Variants in PER3 observed in about 807,000 individuals in gnomAD.
PER3 encodes the protein period circadian regulator 3, also known as period circadian protein homolog 3.
Under a neutral mutation model 127.2 loss-of-function variants are expected in PER3, and 107 were observed. That is an observed-to-expected ratio of 0.84 (90% CI 0.72 to 0.99). The LOEUF (loss-of-function observed/expected upper bound fraction) is 0.99, where lower values mean the gene tolerates loss of function less well. Among genes scored for constraint, PER3 ranks in the 50% least tolerant of loss-of-function variants. The pLI is 0.00. For missense variants in PER3, 1,560 were observed against 1,525.8 expected (o/e 1.02, Z -0.37); for synonymous variants, 618 against 585.8 (o/e 1.05, Z -0.79).
chr1:7,828,624 G>A (rs1342381300), intron 18 of PER3, among the ~76,000 whole-genome samples: 1 of 152,176 alleles, frequency 6.6e-6, no homozygotes, highest in Admixed American at 6.5e-5. Flanking sequence ...CTAAGGGAAG[G>A]CAGTATATTA....
intron 21 of PER3, among the ~76,000 whole-genome samples, chr1:7,842,298 C>G (rs2097394278): frequency 1.3e-5 from 2 of 151,590 alleles, no homozygotes; most frequent in African/African-American, 4.9e-5. Context: ...GTCAGGGGTT[C>G]AAGACCAGCC....
chr1:7,801,171 T>G lies in PER3; in HGVS notation c.852T>G (p.Val284=), dbSNP rs1036663781. ...IFTTTHTPGC[V]FLEVDEKAVP... is the part of the protein sequence containing the mutation. The stretch of plus-strand genomic sequence containing the variant: ...CCACCACACACACCCCAGGGTGTGT[T>G]TTTCTTGAAGTAGATGAAAAGTAAG... The change falls in exon 8 of 22, where the codon GTT becomes GTG. Residue 284 remains valine (V), a synonymous_variant. Transcript: ENST00000377532. 5 of 1,594,712 alleles carry G rather than the reference T, an allele frequency of 3.1e-6. No homozygotes were observed. The highest frequency in any genetic ancestry group is 1.3e-5 in the African/African-American group (1 of 74,308).
chr1:7,839,851 T>C (rs1044274616), intron 21 of PER3, among the ~76,000 whole-genome samples: 21 of 150,700 alleles, frequency 1.4e-4, no homozygotes, highest in Non-Finnish European at 2.8e-4. Flanking sequence ...ATAGTGTGGA[T>C]CTCCGAGTTC....
intron 10 of PER3, among the ~76,000 whole-genome samples, chr1:7,808,260 C>A (rs1397554324): frequency 7.0e-4 from 66 of 93,988 alleles, no homozygotes; most frequent in East Asian, 1.3e-3. Context: ...AAAAAAAAAA[C>A]TAGTATAGTA....
At position 7,786,779 on chromosome 1, in the gene PER3, C is replaced by T. The variant is rs772845669; in HGVS notation, c.333C>T (p.Ser111=). ...SQNGAPQADV[S]MYSLEELATI... ...ATGGAGCACCTCAGGCAGATGTGAG[C>T]ATGTACAGTCTTGAGGAGCTGGCCA... The change falls in exon 4 of 22, where the codon AGC becomes AGT. Residue 111 remains serine, a synonymous_variant. Transcript: ENST00000377532. 3.8e-5 allele frequency: 62 copies of T among 1,612,222 alleles called. No individual in the cohort carries two copies. The highest frequency in any genetic ancestry group is 5.2e-5 in the Non-Finnish European group (61 of 1,178,376).
chr1:7,798,418 G>T (rs1558400261), intron 6 of PER3, 107 bp from the exon 7 acceptor site: 1 of 802,110 alleles, frequency 1.2e-6, no homozygotes, highest in East Asian at 2.5e-5. Context: ...TTTAGATGTG[G>T]GTATGTCTGT....
Position 7,827,775 on chromosome 1 carries a change from C to G in PER3, c.2846C>G (p.Pro949Arg), listed in dbSNP as rs1405377195. Residue 949 changes from proline (P) to arginine (R), a missense_variant, in exon 18 of 22, where the codon CCA (proline) becomes CGA (arginine). By Grantham distance (103) the Pro-to-Arg change is moderately radical. Around this residue, in one of 3 missense-constraint regions of PER3, gnomAD observed 1,332 missense variants for 1,223.6 expected, o/e 1.09. Transcript: ENST00000377532. ...QEEMPRPSES[P>R]DQMRRNTCPQ... is the part of the protein sequence containing the mutation. ...GAGATGCCCAGACCCTCTGAATCTC[C>G]AGATCAGATGAGAAGGAACACGTGC... is the stretch of plus-strand genomic sequence containing the variant. 7.4e-6 allele frequency: 12 copies of G among 1,613,842 alleles called. No homozygotes were observed. Among genetic ancestry groups the G allele is most frequent in the Non-Finnish European group, 1.0e-5 (12 of 1,179,888 alleles).
At chr1:7,821,639 A>T (rs753735030) in intron 16 of PER3, among the ~76,000 whole-genome samples, 4 of 151,932 alleles carry the variant, frequency 2.6e-5, no homozygotes, top group Non-Finnish European at 4.4e-5. Context: ...ATATTCTGCC[A>T]CTCTGCTTTC....
chr1:7,795,684 G>A (rs1441032579), intron 6 of PER3, among the ~76,000 whole-genome samples: 1 of 152,186 alleles, frequency 6.6e-6, no homozygotes, highest in Non-Finnish European at 1.5e-5. Flanking sequence ...GGAAAGCACG[G>A]GCCACACCAC....
At chr1:7,823,685 T>C (rs1165826663) in intron 16 of PER3, among the ~76,000 whole-genome samples, 6 of 149,510 alleles carry the variant, frequency 4.0e-5, no homozygotes, top group African/African-American at 1.5e-4. Flanking sequence ...AATAAGGAAA[T>C]AGACTTTCCA....
rs764849712 is a variant in PER3 at position 7,785,471 on chromosome 1, A to G, written c.159A>G (p.Glu53=). 2.5e-6 allele frequency: 4 copies of G among 1,612,974 alleles called. No individual in the cohort carries two copies. The highest frequency in any genetic ancestry group is 3.4e-6 in the Non-Finnish European group (4 of 1,178,946). The change falls in exon 3 of 22, where the codon GAA becomes GAG. Residue 53 remains glutamate (E), a synonymous_variant. Transcript: ENST00000377532. ...SEQQDRNRVS[E]ELIMVVQEMK... is the part of the protein sequence containing the mutation. ...AGCAAGATCGAAACAGAGTTTCTGAAGAACTTATCATGGTTGTCCAAGAAA... is the reference window on the plus strand; with the variant it reads ...AGCAAGATCGAAACAGAGTTTCTGAGGAACTTATCATGGTTGTCCAAGAAA...
In PER3 at chr1:7,785,637, C is replaced by G. The variant is rs115351775; in HGVS notation, c.274+51C>G. On this transcript the variant is annotated intron_variant, in intron 3 of 21. Coordinates refer to ENST00000377532, the MANE Select transcript of PER3 (RefSeq NM_001377275.1). ...TCCTACGAATGCACCAGGACTCATA[C>G]AAGCAGCCAGAGGAGTGGTCAGTGG... The G allele has an allele frequency of 1.9e-4, 286 of 1,517,872 alleles. 1 individual carries two copies. In the African/African-American group the frequency reaches 3.0e-3, roughly 16 times the overall value. The allele number at this position is 1,517,872 out of a possible 1,614,324, so 94.0% of individuals were successfully genotyped here.
chr1:7,794,871 T>C (rs1039059379), intron 6 of PER3, among the ~76,000 whole-genome samples: 3 of 150,536 alleles, frequency 2.0e-5, no homozygotes, highest in Non-Finnish European at 4.4e-5. Flanking sequence ...TAATATATAA[T>C]TATATATTCT....
intron 7 of PER3, among the ~76,000 whole-genome samples, chr1:7,799,590 A>T (rs1197756301): frequency 6.6e-6 from 1 of 150,898 alleles, no homozygotes; most frequent in Non-Finnish European, 1.5e-5. Flanking sequence ...AGCCTGGGCA[A>T]CAAGAGTAAA....
chr1:7,826,417 A>G lies in PER3; in HGVS notation c.1958-63A>G. On this transcript the variant is annotated intron_variant, in intron 16 of 21. Coordinates refer to ENST00000377532, the MANE Select transcript of PER3 (RefSeq NM_001377275.1). This position sits in a 1 kb window ranked among gnomAD's most constrained non-coding sequence, Gnocchi z 4.2. The stretch of plus-strand genomic sequence containing the variant: ...AAAAATGTATCAAAAGGCAGTTAAC[A>G]AAGTAAAATAAATACAAATAATTGA... 1.1e-6 allele frequency: 1 copy of G among 925,564 alleles called. No individual in the cohort carries two copies. The highest frequency in any genetic ancestry group is 1.7e-6 in the Non-Finnish European group (1 of 580,952). The allele number at this position is 925,564 out of a possible 1,614,324, so 57.3% of individuals were successfully genotyped here.
intron 6 of PER3, among the ~76,000 whole-genome samples, chr1:7,794,259 C>T (rs1002258973): frequency 1.6e-4 from 25 of 152,058 alleles, no homozygotes; most frequent in Admixed American, 1.0e-3. Flanking sequence ...GAGGCAGAGG[C>T]GGAGGCGGGC....
At chr1:7,804,590 G>C (rs2097184997) in intron 10 of PER3, among the ~76,000 whole-genome samples, 1 of 151,342 alleles carries the variant, frequency 6.6e-6, no homozygotes, top group Non-Finnish European at 1.5e-5. Flanking sequence ...TTGTAGAGAT[G>C]GGGTTTTGCC....
rs775882163 is a variant in PER3 at position 7,826,479 on chromosome 1, G to A, written c.1958-1G>A. 5 of 1,574,658 alleles carry A rather than the reference G, an allele frequency of 3.2e-6. No individual in the cohort carries two copies. Among genetic ancestry groups the A allele is most frequent in the Non-Finnish European group, 2.6e-6 (3 of 1,144,246 alleles). ...ATTAAATATGTCTTCTTCCACCTCA[G>A]CCAGGGATGCTACCCTCTTCTGTGA... On this transcript the variant is annotated splice_acceptor_variant, in intron 16 of 21. Transcript: ENST00000377532. LOFTEE classifies it high-confidence loss of function. This position sits in a 1 kb window ranked among gnomAD's most constrained non-coding sequence, Gnocchi z 4.2.
At chr1:7,787,929 G>T in intron 4 of PER3, 116 bp from the exon 5 acceptor site, 1 of 726,830 alleles carries the variant, frequency 1.4e-6, no homozygotes. Context: ...TTTGTAGGTT[G>T]TGCCTGTGTA....
Sources: allele counts gnomAD v4.1 joint callset (sites outside exome capture counted in the v4.1 genomes callset), GRCh38; gene constraint gnomAD v4.1.1; regional missense constraint gnomAD v4.1.1; non-coding constraint Gnocchi (gnomAD v3.1); transcripts MANE v1.5; gene names NCBI Gene and HGNC (gene_info 2026-07-23, HGNC 2026-07-21).